Variants in JMJD1C observed in about 807,000 individuals in gnomAD.
JMJD1C encodes the protein jumonji domain-containing protein 1C.
JMJD1C carries 31 observed loss-of-function variants against 245.3 expected under a neutral mutation model. The ratio of observed to expected loss-of-function variants is 0.13; its 90% CI spans 0.09 to 0.17. The LOEUF (loss-of-function observed/expected upper bound fraction) is 0.17. Ranked by LOEUF, JMJD1C falls within the 10% of genes least tolerant of loss-of-function variation. The pLI, the probability that JMJD1C is intolerant of heterozygous loss-of-function variation, is 1.00. For missense variants in JMJD1C, 2,691 were observed against 3,000.2 expected, an observed-to-expected ratio of 0.90 and a Z score of 2.41; for synonymous variants, 1,057 against 1,017.4, an observed-to-expected ratio of 1.04 and a Z score of -0.74.
At chr10:63,488,158 C>A (rs1954057334) in intron 1 of JMJD1C, among the ~76,000 whole-genome samples, 1 of 152,102 alleles carries the variant, frequency 6.6e-6, no homozygotes, top group Non-Finnish European at 1.5e-5. Context: ...CATCTGTTTG[C>A]ACACAAAGTA....
At chr10:63,402,275 T>C (rs1303764803) in intron 1 of JMJD1C, among the ~76,000 whole-genome samples, 2 of 152,144 alleles carry the variant, frequency 1.3e-5, no homozygotes, top group African/African-American at 4.8e-5. Flanking sequence ...ATTAAAACCA[T>C]AATTTACATA....
At chr10:63,344,679 A>G (rs1354431103) in intron 2 of JMJD1C, among the ~76,000 whole-genome samples, 1 of 152,180 alleles carries the variant, frequency 6.6e-6, no homozygotes, top group Admixed American at 6.5e-5. Flanking sequence ...AAAAGAAACC[A>G]TTACAACTTA....
At chr10:63,262,003 A>C (rs1452108899) in intron 3 of JMJD1C, among the ~76,000 whole-genome samples, 1 of 152,188 alleles carries the variant, frequency 6.6e-6, no homozygotes, top group East Asian at 1.9e-4. Flanking sequence ...CCTACTTAAA[A>C]AGTTTATAAA....
intron 1 of JMJD1C, among the ~76,000 whole-genome samples, chr10:63,472,419 C>T (rs2133154842): frequency 6.6e-6 from 1 of 152,250 alleles, no homozygotes; most frequent in African/African-American, 2.4e-5. Context: ...GCAACCTCCA[C>T]CTCCTGAGTT....
intron 2 of JMJD1C, among the ~76,000 whole-genome samples, chr10:63,309,280 G>T (rs1938775268): frequency 6.6e-6 from 1 of 151,548 alleles, no homozygotes; most frequent in African/African-American, 2.4e-5. Context: ...ATCACCTGAG[G>T]TCTGGAGTTT....
chr10:63,220,050 C>A, intron 3 of JMJD1C, 67 bp from the exon 4 acceptor site: 2 of 1,162,774 alleles, frequency 1.7e-6, no homozygotes, highest in Non-Finnish European at 2.5e-6. Context: ...CCGACTTTCC[C>A]TCCTATACGT....
At chr10:63,506,955 G>T (rs1445214312) in intron 1 of JMJD1C, among the ~76,000 whole-genome samples, 2 of 152,048 alleles carry the variant, frequency 1.3e-5, no homozygotes, top group Non-Finnish European at 2.9e-5. Context: ...CATAATAATG[G>T]CTAATCTTTT....
chr10:63,447,988 A>C (rs10509187), intron 1 of JMJD1C, among the ~76,000 whole-genome samples: 1 of 151,966 alleles, frequency 6.6e-6, no homozygotes, highest in Non-Finnish European at 1.5e-5. Flanking sequence ...TCCTTGAAAC[A>C]AAGTCTAATA....
chr10:63,400,951 C>T (rs1042352940), intron 1 of JMJD1C, among the ~76,000 whole-genome samples: 16 of 152,086 alleles, frequency 1.1e-4, no homozygotes, highest in Non-Finnish European at 2.2e-4. Flanking sequence ...ACCTCCGCCT[C>T]CCGGGTTCAA....
chr10:63,419,922 G>C (rs1950024737), intron 1 of JMJD1C, among the ~76,000 whole-genome samples: 2 of 150,966 alleles, frequency 1.3e-5, no homozygotes. Flanking sequence ...CAGATCACAA[G>C]GTCAGGAGTT....
intron 3 of JMJD1C, among the ~76,000 whole-genome samples, chr10:63,220,345 GGT>G (rs927042600): frequency 1.3e-5 from 2 of 152,136 alleles, no homozygotes; most frequent in Non-Finnish European, 2.9e-5. Context: ...AAAGAACTGA[GGT>G]GAACATTTGA....
chr10:63,310,541 G>C (rs1458281290), intron 2 of JMJD1C, among the ~76,000 whole-genome samples: 1 of 152,176 alleles, frequency 6.6e-6, no homozygotes, highest in Non-Finnish European at 1.5e-5. Flanking sequence ...AGATTACTTA[G>C]TAAGTGCTGC....
intron 1 of JMJD1C, among the ~76,000 whole-genome samples, chr10:63,519,670 C>T (rs1955143898): frequency 6.6e-6 from 1 of 152,180 alleles, no homozygotes; most frequent in African/African-American, 2.4e-5. Flanking sequence ...GTCTTCATGG[C>T]ACAGGCCACT....
rs571612718 is a variant in JMJD1C at position 63,288,014 on chromosome 10, C to T, written c.334-23250G>A. Reference sequence around the variant, plus strand: ...CCAGCCTCAGCCTCCCAAAGAGCTGCGATTACAGGTGTGAGCCACTGCGCC... The same window carrying T: ...CCAGCCTCAGCCTCCCAAAGAGCTGTGATTACAGGTGTGAGCCACTGCGCC... On this transcript the variant is annotated intron_variant, in intron 2 of 25. Coordinates refer to ENST00000399262, the MANE Select transcript of JMJD1C (RefSeq NM_032776.3). 7.2e-5 allele frequency among the ~76,000 whole-genome samples: 11 copies of T among 152,104 alleles called. No individual in the cohort carries two copies. In the East Asian group the frequency reaches 9.7e-4, roughly 13 times the overall value.
At chr10:63,257,726 T>C (rs1455853503) in intron 3 of JMJD1C, among the ~76,000 whole-genome samples, 7 of 152,236 alleles carry the variant, frequency 4.6e-5, no homozygotes, top group African/African-American at 1.7e-4. Context: ...CTGTAAAGGA[T>C]ACCACCACAG....
intron 2 of JMJD1C, among the ~76,000 whole-genome samples, chr10:63,290,808 G>A (rs1009651004): frequency 3.3e-5 from 5 of 151,916 alleles, no homozygotes; most frequent in Admixed American, 3.3e-4. Context: ...TAATGAAGAG[G>A]ACTGGCTGTA....
Position 63,213,674 on chromosome 10 carries a change from C to G in JMJD1C, c.2493G>C (p.Gln831His). The G allele has an allele frequency of 6.2e-7, 1 of 1,614,212 alleles. No homozygotes were observed. Among genetic ancestry groups the G allele is most frequent in the Non-Finnish European group, 8.5e-7 (1 of 1,180,036 alleles). Residue 831 changes from glutamine to histidine, a missense_variant, in exon 8 of 26, where the codon CAG becomes CAC. Gln to His is a conservative substitution (Grantham distance 24). This residue lies in a region of JMJD1C where 1,562 missense variants were observed against 1,490.7 expected (regional missense o/e 1.05). Transcript: ENST00000399262. The part of the protein sequence containing the change: ...SSLSHLALAH[Q>H]QQQQLLQHQS... ...GGTGCTGTAACAACTGTTGTTGTTG[C>G]TGGTGTGCTAGCGCTAAGTGGCTCA...
At chr10:63,203,090 T>C in intron 10 of JMJD1C, 1 of 985,028 alleles carries the variant, frequency 1.0e-6, no homozygotes, top group Non-Finnish European at 1.2e-6. Flanking sequence ...TTTTTTTCAA[T>C]AAAAGAATAA....
chr10:63,307,877 C>T (rs1360893949), intron 2 of JMJD1C, among the ~76,000 whole-genome samples: 4 of 152,042 alleles, frequency 2.6e-5, no homozygotes, highest in African/African-American at 9.7e-5. Flanking sequence ...AGGCTGGGCA[C>T]GGTGGGTCAC....
Sources: gnomAD v4.1 joint callset for allele counts (sites outside exome capture counted in the v4.1 genomes callset) on GRCh38, gnomAD v4.1.1 for gene constraint, gnomAD v4.1.1 regional missense constraint, MANE v1.5 for transcripts, NCBI Gene and HGNC (gene_info 2026-07-23, HGNC 2026-07-21) for gene names.